The following GULP1 variants were observed in gnomAD, a reference collection of about 807,000 sequenced individuals.
The protein encoded by GULP1 is PTB domain-containing engulfment adapter protein 1.
GULP1 carries 19 observed loss-of-function variants against 40.9 expected under a neutral mutation model. The ratio of observed to expected loss-of-function variants is 0.46; its 90% CI spans 0.32 to 0.68. GULP1 has a LOEUF of 0.68. Among genes scored for constraint, GULP1 ranks in the 30% least tolerant of loss-of-function variants. The pLI, the probability that GULP1 is intolerant of heterozygous loss-of-function variation, is 0.03. For synonymous variants in GULP1, 119 were observed against 117.6 expected (o/e 1.01, Z -0.08); for missense variants, 312 against 362.2 (o/e 0.86, Z 1.12).
intron 4 of GULP1, among the ~76,000 whole-genome samples, chr2:188,521,534 A>G (rs1253498775): frequency 6.6e-6 from 1 of 152,188 alleles, no homozygotes; most frequent in Non-Finnish European, 1.5e-5. Context: ...GGAAGAGCAA[A>G]GTCATGTCTT....
At chr2:188,453,362 A>G (rs2058992028) in intron 2 of GULP1, among the ~76,000 whole-genome samples, 1 of 152,092 alleles carries the variant, frequency 6.6e-6, no homozygotes, top group African/African-American at 2.4e-5. Context: ...ATCCTAAAGT[A>G]TTTATTATTC....
At chr2:188,364,875 C>T (rs7593577) in intron 1 of GULP1, among the ~76,000 whole-genome samples, 5,846 of 102,674 alleles carry the variant, frequency 0.057, 392 homozygotes, top group African/African-American at 0.18. Flanking sequence ...CACACATATA[C>T]ACACACACAC....
At chr2:188,517,204 C>T (rs1291891962) in intron 4 of GULP1, among the ~76,000 whole-genome samples, 1 of 152,044 alleles carries the variant, frequency 6.6e-6, no homozygotes, top group Non-Finnish European at 1.5e-5. Context: ...TTAAATCTAG[C>T]TAATTAACAA....
At chr2:188,430,063 G>A (rs2056686471) in intron 2 of GULP1, among the ~76,000 whole-genome samples, 1 of 152,048 alleles carries the variant, frequency 6.6e-6, no homozygotes, top group Admixed American at 6.6e-5. Flanking sequence ...ATTTTAATAA[G>A]CCCCTAGCAA....
At chr2:188,387,196 A>G (rs1187360995) in intron 2 of GULP1, among the ~76,000 whole-genome samples, 4 of 152,152 alleles carry the variant, frequency 2.6e-5, no homozygotes, top group Non-Finnish European at 5.9e-5. Context: ...AGGTTGCACC[A>G]CTGCACTCCA....
intron 2 of GULP1, among the ~76,000 whole-genome samples, chr2:188,419,940 C>T (rs1406636770): frequency 1.3e-5 from 2 of 152,114 alleles, no homozygotes; most frequent in East Asian, 1.9e-4. Flanking sequence ...TTTCTCAACA[C>T]CATTTGTTGA....
At chr2:188,577,848 C>T (rs1409912157) in intron 9 of GULP1, among the ~76,000 whole-genome samples, 1 of 151,980 alleles carries the variant, frequency 6.6e-6, no homozygotes, top group East Asian at 1.9e-4. Flanking sequence ...TAACAATGAA[C>T]TTTAAAAGTA....
At chr2:188,524,409 G>A (rs1685600977) in intron 5 of GULP1, among the ~76,000 whole-genome samples, 1 of 151,968 alleles carries the variant, frequency 6.6e-6, no homozygotes, top group African/African-American at 2.4e-5. Flanking sequence ...AGGTAGTATA[G>A]TTTAAAAATG....
chr2:188,517,784 G>C, intron 4 of GULP1, among the ~76,000 whole-genome samples: 1 of 151,932 alleles, frequency 6.6e-6, no homozygotes, highest in East Asian at 1.9e-4. Context: ...CTAGTATCCT[G>C]GGAGCCAGGC....
Position 188,303,546 on chromosome 2 carries a change from G to A in GULP1, c.-172+11380G>A, listed in dbSNP as rs563233007. ...GGAATGTTACAGATGCTGAAAGTCT[G>A]CAGTAAAGCTGTGTGGCAACCAGGT... is the stretch of plus-strand genomic sequence containing the variant. On this transcript the variant is annotated intron_variant, in intron 1 of 11. Transcript: ENST00000409830. Among the ~76,000 whole-genome samples the A allele has an allele frequency of 2.0e-5, 3 of 152,324 alleles. 1 individual carries two copies. The South Asian group carries it at 6.2e-4, about 32-fold the overall frequency.
intron 2 of GULP1, among the ~76,000 whole-genome samples, chr2:188,463,563 G>T: frequency 6.6e-6 from 1 of 152,124 alleles, no homozygotes; most frequent in East Asian, 1.9e-4. Context: ...TCTAGGTTTA[G>T]GAAGTTCGCT....
chr2:188,358,365 TG>T lies in GULP1; in HGVS notation c.-171-25396del, dbSNP rs1191969471. Among the ~76,000 whole-genome samples the T allele has an allele frequency of 5.7e-4, 87 of 152,168 alleles. 5 individuals are homozygous for T. Among genetic ancestry groups the T allele is most frequent in the Non-Finnish European group, 1.5e-5 (1 of 68,022 alleles). On this transcript the variant is annotated intron_variant, in intron 1 of 11. Coordinates refer to ENST00000409830, the MANE Select transcript of GULP1 (RefSeq NM_016315.4). ...TAGATGGGATAGGATAGGGAGTGGT[TG>T]GTTCATGAATACAAAATTAACAGTT... is the stretch of plus-strand genomic sequence containing the variant.
At chr2:188,305,778 G>T (rs35057503) in intron 1 of GULP1, among the ~76,000 whole-genome samples, 5 of 151,990 alleles carry the variant, frequency 3.3e-5, no homozygotes, top group Admixed American at 6.6e-5. Context: ...TTTTTAAAAA[G>T]ATTTTCAAAA....
chr2:188,581,957 C>T (rs1393953216), intron 9 of GULP1, among the ~76,000 whole-genome samples: 2 of 152,084 alleles, frequency 1.3e-5, no homozygotes, highest in Admixed American at 1.3e-4. Context: ...GAGTTTACTC[C>T]TAGTTCTGTA....
chr2:188,337,933 C>A (rs2152117034), intron 1 of GULP1, among the ~76,000 whole-genome samples: 1 of 152,208 alleles, frequency 6.6e-6, no homozygotes, highest in East Asian at 1.9e-4. Context: ...AGCACTAGAT[C>A]CATGAGATTA....
intron 2 of GULP1, among the ~76,000 whole-genome samples, chr2:188,459,819 T>C (rs1385482496): frequency 6.6e-6 from 1 of 152,194 alleles, no homozygotes. Context: ...TTGATGTTTG[T>C]ATATGGCAAG....
At chr2:188,378,732 C>T in intron 1 of GULP1, among the ~76,000 whole-genome samples, 1 of 152,062 alleles carries the variant, frequency 6.6e-6, no homozygotes, top group East Asian at 1.9e-4. Context: ...CACTCATTAC[C>T]ACCAGGATGG....
chr2:188,315,421 C>T (rs572783367), intron 1 of GULP1, among the ~76,000 whole-genome samples: 6 of 152,174 alleles, frequency 3.9e-5, no homozygotes, highest in African/African-American at 1.4e-4. Context: ...TCAGATGTAT[C>T]CCCTGCAGAT....
At chr2:188,490,023 G>A (rs1559300857) in intron 4 of GULP1, among the ~76,000 whole-genome samples, 1 of 152,056 alleles carries the variant, frequency 6.6e-6, no homozygotes, top group Non-Finnish European at 1.5e-5. Flanking sequence ...TCTAACAAGT[G>A]TTATATAGCT....
Sources: allele counts gnomAD v4.1 joint callset (sites outside exome capture counted in the v4.1 genomes callset), GRCh38; gene constraint gnomAD v4.1.1; transcripts MANE v1.5; gene names NCBI Gene and HGNC (gene_info 2026-07-23, HGNC 2026-07-21).